The following FAM174A variants were observed in gnomAD, a reference collection of about 807,000 sequenced individuals.
FAM174A encodes family with sequence similarity 174 member A.
In FAM174A, 14 loss-of-function variants were observed where a neutral mutation model predicts 14.3. The ratio of observed to expected loss-of-function variants is 0.98; its 90% confidence interval spans 0.65 to 1.53. FAM174A has a LOEUF of 1.53. Ranked by LOEUF, FAM174A falls within the 40% of genes most tolerant of loss-of-function variation. The pLI, the probability that FAM174A is intolerant of heterozygous loss-of-function variation, is 0.00. For missense variants in FAM174A, 241 were observed against 249.6 expected (o/e 0.97, Z 0.23); for synonymous variants, 108 against 111.4 (o/e 0.97, Z 0.19).
intron 2 of FAM174A, among the ~76,000 whole-genome samples, chr5:100,581,074 G>T (rs1198712905): frequency 6.6e-6 from 1 of 152,070 alleles, no homozygotes; most frequent in Non-Finnish European, 1.5e-5. Context: ...GATTACAGGT[G>T]CCTGCCACCA....
In FAM174A at chr5:100,538,601, A is replaced by C. The variant is rs148353961; in HGVS notation, c.434+2637A>C. On this transcript the variant is annotated intron_variant, in intron 1 of 2. Transcript: ENST00000312637. ...TAAAATGAACACTTAATCTCTATGA[A>C]AAGAGACTTTTCTGTCTTATTCTCC... is the stretch of plus-strand genomic sequence containing the variant. Among the ~76,000 whole-genome samples, 4 of 152,194 alleles carry C rather than the reference A, an allele frequency of 2.6e-5. No individual in the cohort carries two copies. In the East Asian group the frequency reaches 7.7e-4, roughly 29 times the overall value.
chr5:100,553,876 T>G (rs955579625), intron 1 of FAM174A, among the ~76,000 whole-genome samples: 2 of 152,164 alleles, frequency 1.3e-5, no homozygotes, highest in African/African-American at 2.4e-5. Flanking sequence ...GTTAAAGACT[T>G]TGAATGTAGA....
At chr5:100,551,910 A>G (rs1561314983) in intron 1 of FAM174A, among the ~76,000 whole-genome samples, 1 of 152,180 alleles carries the variant, frequency 6.6e-6, no homozygotes, top group Non-Finnish European at 1.5e-5. Context: ...ATCTCATTTT[A>G]ACTTGATTAC....
At chr5:100,558,044 AG>A (rs1746433101) in intron 1 of FAM174A, among the ~76,000 whole-genome samples, 2 of 152,100 alleles carry the variant, frequency 1.3e-5, no homozygotes, top group African/African-American at 4.8e-5. Flanking sequence ...TGTCAATTTT[AG>A]ATCTTTCCTG....
At chr5:100,540,918 AC>A (rs1746037158) in intron 1 of FAM174A, among the ~76,000 whole-genome samples, 1 of 152,182 alleles carries the variant, frequency 6.6e-6, no homozygotes. Context: ...GTATGAGACT[AC>A]CTGCCCTGAT....
Position 100,535,602 on chromosome 5 carries a change from T to G in FAM174A, c.72T>G (p.Pro24=). 1 of 1,613,286 alleles carries G rather than the reference T, an allele frequency of 6.2e-7. No homozygotes were observed. The highest frequency in any genetic ancestry group is 8.5e-7 in the Non-Finnish European group (1 of 1,179,944). Residue 24 remains proline, a synonymous_variant, in exon 1 of 3, where the codon CCT becomes CCG. Transcript: ENST00000312637. The stretch of plus-strand genomic sequence containing the variant: ...CCGTCCTCCTCCTGCTGTTGCTGCC[T>G]GAACTAAGCGGGCCCCTGGCAGTCC... ...LASVLLLLLL[P]ELSGPLAVLL...
chr5:100,545,892 CATTATGTATACTGTAGACACCTTAA>C (rs1746155809), intron 1 of FAM174A, among the ~76,000 whole-genome samples: 1 of 152,032 alleles, frequency 6.6e-6, no homozygotes, highest in Non-Finnish European at 1.5e-5. Context: ...TTTTTCCTGT[CATTATGTATACTGTAGACACCTTAA>C]ATTTATATAG....
intron 2 of FAM174A, among the ~76,000 whole-genome samples, chr5:100,562,889 G>T (rs1030766751): frequency 4.6e-5 from 7 of 151,726 alleles, no homozygotes; most frequent in African/African-American, 1.5e-4. Flanking sequence ...GGGGAAAAAA[G>T]CCAACAAAGA....
intron 2 of FAM174A, among the ~76,000 whole-genome samples, chr5:100,567,465 C>G (rs1373584430): frequency 6.6e-6 from 1 of 151,654 alleles, no homozygotes; most frequent in African/African-American, 2.4e-5. Context: ...CTTCAGTTTT[C>G]CTTCTATATC....
At chr5:100,564,608 T>A (rs1389484335) in intron 2 of FAM174A, among the ~76,000 whole-genome samples, 1 of 151,452 alleles carries the variant, frequency 6.6e-6, no homozygotes, top group Non-Finnish European at 1.5e-5. Context: ...ATTTTGCGTA[T>A]AGAAAAGATA....
chr5:100,535,909 G>A lies in FAM174A; in HGVS notation c.379G>A (p.Val127Met). The A allele has an allele frequency of 1.9e-6, 3 of 1,611,216 alleles. No individual in the cohort carries two copies. The highest frequency in any genetic ancestry group is 2.5e-6 in the Non-Finnish European group (3 of 1,178,484). ...DKPMTQRALT[V>M]LMVVSGAVLV... ...GCCCATGACCCAGCGGGCCCTGACC[G>A]TGTTGATGGTGGTGAGCGGCGCGGT... is the stretch of plus-strand genomic sequence containing the variant. The change falls in exon 1 of 3, where the codon GTG (valine) becomes ATG (methionine). Residue 127 changes from valine to methionine, a missense_variant. Physicochemically the swap from Val to Met is conservative, Grantham distance 21. Coordinates refer to ENST00000312637, the MANE Select transcript of FAM174A (RefSeq NM_198507.3).
chr5:100,560,678 A>G (rs1038991353), intron 1 of FAM174A, among the ~76,000 whole-genome samples: 5 of 152,036 alleles, frequency 3.3e-5, no homozygotes, highest in African/African-American at 1.2e-4. Context: ...CTTCACTGTC[A>G]TGTTTGAGGA....
intron 1 of FAM174A, among the ~76,000 whole-genome samples, chr5:100,559,224 G>A (rs866506308): frequency 5.9e-5 from 9 of 152,058 alleles, no homozygotes; most frequent in South Asian, 4.2e-4. Context: ...TATGAAATTC[G>A]TGGTTGAAAA....
intron 1 of FAM174A, 92 bp from the exon 2 acceptor site, chr5:100,561,962 T>A (rs1452966549): frequency 2.8e-6 from 2 of 715,488 alleles, no homozygotes; most frequent in African/African-American, 3.8e-5. Flanking sequence ...TTGTTTGCTA[T>A]GTCAGAAACA....
chr5:100,557,556 C>T (rs888123939), intron 1 of FAM174A, among the ~76,000 whole-genome samples: 14 of 152,082 alleles, frequency 9.2e-5, no homozygotes, highest in African/African-American at 2.7e-4. Context: ...GCTGTGAATC[C>T]ATCTGGTCCT....
chr5:100,577,521 G>A (rs562908744), intron 2 of FAM174A, among the ~76,000 whole-genome samples: 1 of 152,194 alleles, frequency 6.6e-6, no homozygotes, highest in South Asian at 2.1e-4. Flanking sequence ...TCAGATTGCA[G>A]ATTCAATATA....
intron 2 of FAM174A, among the ~76,000 whole-genome samples, chr5:100,565,511 T>A (rs1746625193): frequency 6.6e-6 from 1 of 151,844 alleles, no homozygotes; most frequent in Non-Finnish European, 1.5e-5. Flanking sequence ...GATTTTAAAA[T>A]GGGCACATGA....
intron 1 of FAM174A, among the ~76,000 whole-genome samples, chr5:100,537,692 TTTC>T (rs1310513374): frequency 6.6e-6 from 1 of 152,190 alleles, no homozygotes; most frequent in African/African-American, 2.4e-5. Flanking sequence ...AAACTGAGAC[TTTC>T]TTCTTAATAT....
Position 100,535,627 on chromosome 5 carries a change from C to T in FAM174A, c.97C>T (p.Leu33=). The stretch of plus-strand genomic sequence containing the variant: ...TGAACTAAGCGGGCCCCTGGCAGTC[C>T]TGCTGCAGGCAGCCGAGGCCGCGCC... ...LPELSGPLAV[L]LQAAEAAPGL... Residue 33 remains leucine, a synonymous_variant, in exon 1 of 3, where the codon CTG becomes TTG. Coordinates refer to ENST00000312637, the MANE Select transcript of FAM174A (RefSeq NM_198507.3). 2 of 1,613,206 alleles carry T rather than the reference C, an allele frequency of 1.2e-6. No homozygotes were observed. The highest frequency in any genetic ancestry group is 1.7e-6 in the Non-Finnish European group (2 of 1,179,942).
Sources: allele counts gnomAD v4.1 joint callset (sites outside exome capture counted in the v4.1 genomes callset), GRCh38; gene constraint gnomAD v4.1.1; transcripts MANE v1.5; gene names NCBI Gene and HGNC (gene_info 2026-07-23, HGNC 2026-07-21).